Variants in SLC35F3 observed in about 807,000 individuals in gnomAD.
SLC35F3 encodes solute carrier family 35 member F3.
In SLC35F3, 25 loss-of-function variants were observed where a neutral mutation model predicts 49.9. That is an observed-to-expected ratio of 0.50 (90% CI 0.37 to 0.70). The LOEUF is 0.70. Ranked by LOEUF, SLC35F3 falls within the 30% of genes least tolerant of loss-of-function variation. The pLI, the probability that SLC35F3 is intolerant of heterozygous loss-of-function variation, is 0.00. For synonymous variants in SLC35F3, 275 were observed against 265.4 expected (o/e 1.04, Z -0.35); for missense variants, 525 against 639.8 (o/e 0.82, Z 1.94).
At chr1:234,285,258 A>G in intron 3 of SLC35F3, 1 of 442,742 alleles carries the variant, frequency 2.3e-6, no homozygotes, top group South Asian at 1.6e-5. Flanking sequence ...GAGGCTGCTC[A>G]CTTCCCCCAT....
intron 2 of SLC35F3, among the ~76,000 whole-genome samples, chr1:233,980,050 A>G (rs1243862624): frequency 1.3e-5 from 2 of 152,160 alleles, no homozygotes; most frequent in Non-Finnish European, 2.9e-5. Context: ...GAGGACTGGT[A>G]TGTTTGAGTT....
intron 2 of SLC35F3, among the ~76,000 whole-genome samples, chr1:234,074,631 G>A (rs527926072): frequency 2.8e-4 from 42 of 152,274 alleles, no homozygotes; most frequent in African/African-American, 1.0e-3. Flanking sequence ...GAATTTTAAA[G>A]GTTTCAAAGC....
chr1:234,231,365 T>C lies in SLC35F3; in HGVS notation c.284-52T>C. ...GGCTGCAGGGCAGCGCCCTGCGAAG[T>C]GCAGGGGTGAAGGTCTGCAGGCCCC... is the stretch of plus-strand genomic sequence containing the variant. On this transcript the variant is annotated intron_variant, in intron 2 of 7. Coordinates refer to ENST00000366618, the MANE Select transcript of SLC35F3 (RefSeq NM_173508.4). This position sits in a 1 kb window ranked among gnomAD's most constrained non-coding sequence, Gnocchi z 5.4. 1 of 1,379,164 alleles carries C rather than the reference T, an allele frequency of 7.3e-7. No homozygotes were observed. Among genetic ancestry groups the C allele is most frequent in the Non-Finnish European group, 9.6e-7 (1 of 1,038,864 alleles). 85.4% of individuals were successfully genotyped at this position (1,379,164 alleles called of 1,614,324 possible).
intron 2 of SLC35F3, among the ~76,000 whole-genome samples, chr1:234,064,571 C>A (rs1165723631): frequency 3.3e-5 from 5 of 152,154 alleles, no homozygotes; most frequent in Non-Finnish European, 7.3e-5. Context: ...TCCTGTGGCT[C>A]ACCCTGACAC....
In SLC35F3 at chr1:234,231,786, C is replaced by G. The variant is rs987637260; in HGVS notation, c.608+45C>G. On this transcript the variant is annotated intron_variant, in intron 3 of 7. Transcript: ENST00000366618. This position sits in a 1 kb window ranked among gnomAD's most constrained non-coding sequence, Gnocchi z 5.4. ...GGAGGCCTCCTGACCCCGGGCTGCT[C>G]CATCCAGCGCTGACTCTGCAGAGCT... The G allele has an allele frequency of 6.5e-7, 1 of 1,542,652 alleles. No individual in the cohort carries two copies. The highest frequency in any genetic ancestry group is 8.8e-7 in the Non-Finnish European group (1 of 1,134,932).
intron 2 of SLC35F3, among the ~76,000 whole-genome samples, chr1:234,061,804 T>A (rs1003798981): frequency 6.6e-6 from 1 of 152,206 alleles, no homozygotes; most frequent in Non-Finnish European, 1.5e-5. Flanking sequence ...TACGTTTGGC[T>A]TTTTAAAAAA....
intron 2 of SLC35F3, among the ~76,000 whole-genome samples, chr1:233,927,138 A>G (rs1444379335): frequency 6.6e-6 from 1 of 152,168 alleles, no homozygotes; most frequent in Admixed American, 6.5e-5. Flanking sequence ...GCTGTATCAC[A>G]GTTTATTCAT....
intron 2 of SLC35F3, among the ~76,000 whole-genome samples, chr1:233,996,589 C>A (rs1305182882): frequency 6.6e-6 from 1 of 152,102 alleles, no homozygotes; most frequent in Admixed American, 6.5e-5. Flanking sequence ...GGTTGCCAAA[C>A]CCTTCCCTCT....
intron 3 of SLC35F3, among the ~76,000 whole-genome samples, chr1:234,301,965 C>T (rs1668699349): frequency 6.6e-6 from 1 of 152,172 alleles, no homozygotes; most frequent in African/African-American, 2.4e-5. Context: ...CCCACATTCT[C>T]ACTCATAAGT....
intron 2 of SLC35F3, among the ~76,000 whole-genome samples, chr1:233,998,589 C>T (rs758379642): frequency 6.6e-5 from 10 of 150,942 alleles, no homozygotes; most frequent in Non-Finnish European, 1.2e-4. Flanking sequence ...TATAAAAAAG[C>T]CCTATCAAAA....
At chr1:233,968,389 T>G (rs977941362) in intron 2 of SLC35F3, among the ~76,000 whole-genome samples, 1 of 152,192 alleles carries the variant, frequency 6.6e-6, no homozygotes, top group African/African-American at 2.4e-5. Context: ...AGAAAGCATA[T>G]GTGCAAGTTT....
chr1:233,954,015 T>C (rs1209593415), intron 2 of SLC35F3, among the ~76,000 whole-genome samples: 1 of 151,888 alleles, frequency 6.6e-6, no homozygotes, highest in African/African-American at 2.4e-5. Context: ...CCTCTTTTTT[T>C]TTTTTTTTTG....
At chr1:233,913,682 A>G (rs1661922302) in intron 2 of SLC35F3, among the ~76,000 whole-genome samples, 1 of 152,238 alleles carries the variant, frequency 6.6e-6, no homozygotes, top group Admixed American at 6.5e-5. Flanking sequence ...GTAAGCATCT[A>G]CATTTCTGTA....
chr1:233,948,228 GGAGAGAGAGAGA>G (rs150190453), intron 2 of SLC35F3, among the ~76,000 whole-genome samples: 3 of 107,618 alleles, frequency 2.8e-5, no homozygotes, highest in African/African-American at 1.1e-4. Flanking sequence ...AGGGAGAGAG[GGAGAGAGAGAGA>G]GAGAGAGAGA....
chr1:234,204,846 T>C (rs947180399), intron 2 of SLC35F3, among the ~76,000 whole-genome samples: 2 of 152,244 alleles, frequency 1.3e-5, no homozygotes, highest in African/African-American at 2.4e-5. Context: ...CTCTTTCTGC[T>C]TCACAGAAAG....
intron 2 of SLC35F3, among the ~76,000 whole-genome samples, chr1:234,023,359 C>T (rs1219607649): frequency 6.6e-6 from 1 of 152,058 alleles, no homozygotes; most frequent in Non-Finnish European, 1.5e-5. Context: ...GAGGGTATGT[C>T]GTGGTGTACA....
chr1:234,294,412 G>C (rs1331226817), intron 3 of SLC35F3, among the ~76,000 whole-genome samples: 4 of 152,140 alleles, frequency 2.6e-5, no homozygotes, highest in African/African-American at 4.8e-5. Context: ...CACAATTAAG[G>C]CTTCACTAAA....
intron 2 of SLC35F3, among the ~76,000 whole-genome samples, chr1:234,037,948 GTTTTC>G (rs1230988062): frequency 5.9e-5 from 9 of 151,966 alleles, no homozygotes; most frequent in Non-Finnish European, 1.0e-4. Flanking sequence ...GTTTTGTTTT[GTTTTC>G]TTTTCTTTTC....
At chr1:234,170,312 G>T (rs187013740) in intron 2 of SLC35F3, among the ~76,000 whole-genome samples, 8 of 152,268 alleles carry the variant, frequency 5.3e-5, no homozygotes, top group South Asian at 2.1e-4. Context: ...CCACTTACTC[G>T]TATGGAAAGG....
Sources: gnomAD v4.1 joint callset for allele counts (sites outside exome capture counted in the v4.1 genomes callset) on GRCh38, gnomAD v4.1.1 for gene constraint, Gnocchi (gnomAD v3.1) non-coding constraint, MANE v1.5 for transcripts, NCBI Gene and HGNC (gene_info 2026-07-23, HGNC 2026-07-21) for gene names.